Variants in SRGAP1 observed in about 807,000 individuals in gnomAD.
The protein encoded by SRGAP1 is SLIT-ROBO Rho GTPase-activating protein 1.
SRGAP1 carries 43 observed loss-of-function variants against 121.9 expected under a neutral mutation model. The observed-to-expected ratio is 0.35, with a 90% confidence interval of 0.28 to 0.46. SRGAP1 has a LOEUF of 0.46. Ranked by LOEUF, SRGAP1 falls within the 20% of genes least tolerant of loss-of-function variation. The pLI is 1.00. For synonymous variants in SRGAP1, 447 were observed against 485.4 expected (o/e 0.92, Z 1.04); for missense variants, 1,102 against 1,350.9 (o/e 0.82, Z 2.89).
chr12:63,985,048 A>G (rs1216832929), intron 2 of SRGAP1, among the ~76,000 whole-genome samples: 2 of 151,524 alleles, frequency 1.3e-5, no homozygotes, highest in Non-Finnish European at 1.5e-5. Flanking sequence ...AGGACAGAGA[A>G]AGACAAGTAA....
chr12:64,113,026 A>T (rs2036454809), intron 17 of SRGAP1, among the ~76,000 whole-genome samples: 2 of 151,976 alleles, frequency 1.3e-5, no homozygotes, highest in Admixed American at 1.3e-4. Context: ...AGATCATTTG[A>T]GCCCAGGAGT....
intron 1 of SRGAP1, among the ~76,000 whole-genome samples, chr12:63,853,706 A>AT: frequency 6.6e-6 from 1 of 152,178 alleles, no homozygotes; most frequent in East Asian, 1.9e-4. Context: ...GGGAGGAGGA[A>AT]TTTCTGCTTA....
chr12:63,977,982 T>C (rs1411516742), intron 1 of SRGAP1, among the ~76,000 whole-genome samples: 1 of 152,168 alleles, frequency 6.6e-6, no homozygotes, highest in East Asian at 1.9e-4. Flanking sequence ...GAAAAGTCTT[T>C]CCTAATATTC....
At chr12:64,125,296 C>A (rs790193) in intron 18 of SRGAP1, among the ~76,000 whole-genome samples, 85,116 of 151,898 alleles carry the variant, frequency 0.56, 24,354 homozygotes, top group African/African-American at 0.68. Flanking sequence ...AAAAATTTTG[C>A]ATCTGTTTTT....
intron 1 of SRGAP1, among the ~76,000 whole-genome samples, chr12:63,849,563 A>C (rs1227956592): frequency 6.6e-6 from 1 of 152,232 alleles, no homozygotes; most frequent in African/African-American, 2.4e-5. Context: ...GCAGCCTGAC[A>C]TACAAATAAT....
chr12:64,087,675 G>A (rs2035973821), intron 11 of SRGAP1, among the ~76,000 whole-genome samples: 1 of 152,154 alleles, frequency 6.6e-6, no homozygotes, highest in Admixed American at 6.5e-5. Flanking sequence ...GGCGGAGGTT[G>A]CAGTGAGCCA....
At chr12:63,868,072 T>TTG (rs1899714978) in intron 1 of SRGAP1, among the ~76,000 whole-genome samples, 3 of 98,074 alleles carry the variant, frequency 3.1e-5, no homozygotes, top group Admixed American at 1.1e-4. Context: ...TTTTTTTTTT[T>TTG]TTTTTTGTTT....
chr12:64,002,785 C>T (rs1052318931), intron 3 of SRGAP1, among the ~76,000 whole-genome samples: 2 of 152,008 alleles, frequency 1.3e-5, no homozygotes, highest in African/African-American at 4.8e-5. Context: ...CGAATCCAAC[C>T]AGATTGATTT....
chr12:63,852,901 C>A (rs1333202283), intron 1 of SRGAP1, among the ~76,000 whole-genome samples: 1 of 151,752 alleles, frequency 6.6e-6, no homozygotes. Context: ...AGTACAGGGC[C>A]TCATTAAACA....
At chr12:64,052,335 C>G (rs575396443) in intron 6 of SRGAP1, among the ~76,000 whole-genome samples, 1 of 152,190 alleles carries the variant, frequency 6.6e-6, no homozygotes, top group Admixed American at 6.5e-5. Context: ...AGGCAGATCA[C>G]CTGAGGTCAG....
intron 1 of SRGAP1, among the ~76,000 whole-genome samples, chr12:63,922,099 C>T (rs1592948632): frequency 1.3e-5 from 2 of 151,994 alleles, no homozygotes; most frequent in Admixed American, 6.6e-5. Flanking sequence ...TTGCATCAGC[C>T]TCCCAAGTAG....
At chr12:64,063,762 CTTG>C (rs760470172) in intron 7 of SRGAP1, among the ~76,000 whole-genome samples, 9 of 152,154 alleles carry the variant, frequency 5.9e-5, no homozygotes, top group African/African-American at 1.7e-4. Context: ...CTATATAGCA[CTTG>C]TTGTCTCAGC....
At chr12:64,057,557 T>C (rs1440675026) in intron 6 of SRGAP1, among the ~76,000 whole-genome samples, 1 of 152,214 alleles carries the variant, frequency 6.6e-6, no homozygotes, top group Non-Finnish European at 1.5e-5. Context: ...TTTCTGGTCC[T>C]TTATAATTCA....
At chr12:64,127,805 G>A in intron 20 of SRGAP1, 56 bp from the exon 21 acceptor site, 1 of 1,600,080 alleles carries the variant, frequency 6.2e-7, no homozygotes, top group Non-Finnish European at 8.5e-7. Flanking sequence ...CAGCCTTGCA[G>A]TACTGCCCGG....
chr12:64,096,742 G>C lies in SRGAP1; in HGVS notation c.1679-499G>C, dbSNP rs74961045. On this transcript the variant is annotated intron_variant, in intron 14 of 21. Coordinates refer to ENST00000355086, the MANE Select transcript of SRGAP1 (RefSeq NM_020762.4). ...TCAGATGTGCTGTGAACACCACCATGCCACTTTGGGAAATACCTACTTATT... is the reference window on the plus strand; with the variant it reads ...TCAGATGTGCTGTGAACACCACCATCCCACTTTGGGAAATACCTACTTATT... 5.2e-3 allele frequency among the ~76,000 whole-genome samples: 794 copies of C among 152,246 alleles called. 21 individuals are homozygous for C. In the East Asian group the frequency reaches 0.055, roughly 11 times the overall value.
intron 1 of SRGAP1, among the ~76,000 whole-genome samples, chr12:63,901,790 A>G (rs527809606): frequency 3.3e-5 from 5 of 152,348 alleles, no homozygotes; most frequent in African/African-American, 1.2e-4. Flanking sequence ...AATTAACTGG[A>G]TTATCATCAA....
chr12:63,955,284 A>G (rs1293583484), intron 1 of SRGAP1, among the ~76,000 whole-genome samples: 1 of 152,086 alleles, frequency 6.6e-6, no homozygotes, highest in African/African-American at 2.4e-5. Flanking sequence ...ATGTCACTGC[A>G]CTCCAGCCTG....
chr12:63,849,686 A>G lies in SRGAP1; in HGVS notation c.67+4803A>G, dbSNP rs113773009. Among the ~76,000 whole-genome samples the G allele has an allele frequency of 3.6e-3, 549 of 152,330 alleles. 3 individuals are homozygous for G. The highest frequency in any genetic ancestry group is 6.7e-3 in the Non-Finnish European group (458 of 68,034). On this transcript the variant is annotated intron_variant, in intron 1 of 21. Transcript: ENST00000355086. ...CTGCATCTTACATTCTTTCTTCAAC[A>G]TAGAATAGGAAGTGACAGCAATTTA...
intron 19 of SRGAP1, among the ~76,000 whole-genome samples, chr12:64,126,417 T>C (rs1231762670): frequency 6.6e-6 from 1 of 152,142 alleles, no homozygotes; most frequent in Non-Finnish European, 1.5e-5. Context: ...CATAGAATGG[T>C]GTTAAGAGCT....
Sources: allele counts gnomAD v4.1 joint callset (sites outside exome capture counted in the v4.1 genomes callset), GRCh38; gene constraint gnomAD v4.1.1; transcripts MANE v1.5; gene names NCBI Gene and HGNC (gene_info 2026-07-23, HGNC 2026-07-21).